The following DNAJB8 variants were observed in gnomAD, a reference collection of about 807,000 sequenced individuals.
DNAJB8 encodes dnaJ homolog subfamily B member 8.
For synonymous variants in DNAJB8, 127 were observed against 127.1 expected (o/e 1.00, Z 0.00); for missense variants, 354 against 318.9 (o/e 1.11, Z -0.84).
Position 128,463,011 on chromosome 3 carries a change from C to G in DNAJB8, c.235G>C (p.Ala79Pro), listed in dbSNP as rs757171782. 1 of 1,614,120 alleles carries G rather than the reference C, an allele frequency of 6.2e-7. No homozygotes were observed. The highest frequency in any genetic ancestry group is 8.5e-7 in the Non-Finnish European group (1 of 1,179,970). Residue 79 changes from alanine to proline, a missense_variant, in exon 3 of 3, where the codon GCC becomes CCC. Coordinates refer to ENST00000319153, the MANE Select transcript of DNAJB8 (RefSeq NM_153330.6). The stretch of plus-strand genomic sequence containing the variant: ...AAGGGGCTGTGGTAGGGCGTGCTGG[C>G]CCCGCCACCAGCCCGCCAGCTGTCA... ...GCDSWRAGGG[A>P]STPYHSPFDT...
At position 128,462,606 on chromosome 3, in the gene DNAJB8, G is replaced by T. The variant is rs748384137; in HGVS notation, c.640C>A (p.Gln214Lys). 1 of 1,613,790 alleles carries T rather than the reference G, an allele frequency of 6.2e-7. No individual in the cohort carries two copies. Among genetic ancestry groups the T allele is most frequent in the African/African-American group, 1.3e-5 (1 of 75,002 alleles). Residue 214 changes from glutamine to lysine, a missense_variant, in exon 3 of 3, where the codon CAG becomes AAG. By Grantham distance (53) the Gln-to-Lys change is moderately conservative. Transcript: ENST00000319153. ...CCGTTCACAGTCACCGACTTGAGCT[G>T]CCCGTCTTCCTCCACCTCCACGCGC... The part of the protein sequence containing the change: ...QERVEVEEDG[Q>K]LKSVTVNGKE...
Position 128,463,328 on chromosome 3 carries a change from A to G in DNAJB8, c.-83T>C, listed in dbSNP as rs982372870. 1.8e-5 allele frequency: 23 copies of G among 1,314,022 alleles called. No individual in the cohort carries two copies. In the Middle Eastern group the frequency reaches 7.0e-4, roughly 40 times the overall value. 81.4% of individuals were successfully genotyped at this position (1,314,022 alleles called of 1,614,324 possible). On this transcript the variant is annotated 5_prime_UTR_variant, in exon 3 of 3. Transcript: ENST00000319153. ...CAGCTGGTCAGATGGACGGGGGAGA[A>G]GTGGCCGGTGGTCTGGGGCCCTTCA... is the stretch of plus-strand genomic sequence containing the variant.
chr3:128,464,812 T>G, intron 2 of DNAJB8, among the ~76,000 whole-genome samples: 1 of 134,010 alleles, frequency 7.5e-6, no homozygotes, highest in Non-Finnish European at 1.6e-5. Flanking sequence ...TCCCTTCCCT[T>G]CCCTTCCGTT....
chr3:128,462,821 G>T lies in DNAJB8; in HGVS notation c.425C>A (p.Pro142Gln). The T allele has an allele frequency of 6.2e-7, 1 of 1,614,106 alleles. No homozygotes were observed. Among genetic ancestry groups the T allele is most frequent in the Non-Finnish European group, 8.5e-7 (1 of 1,180,030 alleles). Residue 142 changes from proline (P) to glutamine (Q), a missense_variant, in exon 3 of 3, where the codon CCG becomes CAG. Pro to Gln is a moderately conservative substitution (Grantham distance 76, BLOSUM62 -1). Coordinates refer to ENST00000319153, the MANE Select transcript of DNAJB8 (RefSeq NM_153330.6). ...GAFSAGFGEF[P>Q]AFMEAFSSFN... ...GGATGAGAAGGCCTCCATGAAGGCC[G>T]GAAATTCTCCAAAGCCTGCCGAGAA...
At chr3:128,465,248 C>G (rs771250923) in intron 2 of DNAJB8, 28 bp downstream of exon 2, 1 of 152,324 alleles carries the variant, frequency 6.6e-6, no homozygotes, top group African/African-American at 2.4e-5. Context: ...AAGCACGACT[C>G]GCACCCCCAT....
At chr3:128,464,868 T>C (rs1576735900) in intron 2 of DNAJB8, among the ~76,000 whole-genome samples, 1 of 122,916 alleles carries the variant, frequency 8.1e-6, no homozygotes, top group Non-Finnish European at 1.7e-5. Flanking sequence ...CCCTCCTTCC[T>C]TCATTTCCTC....
Position 128,463,199 on chromosome 3 carries a change from G to A in DNAJB8, c.47C>T (p.Pro16Leu), listed in dbSNP as rs749327384. ...EVLGVQASAS[P>L]EDIKKAYRKL... ...GCGGTAGGCTTTCTTGATGTCCTCC[G>A]GGGAAGCGCTGGCCTGCACGCCCAG... The change falls in exon 3 of 3, where the codon CCG becomes CTG. Residue 16 changes from proline to leucine, a missense_variant. Physicochemically the swap from Pro to Leu is moderately conservative, Grantham distance 98. Transcript: ENST00000319153. The A allele has an allele frequency of 3.1e-5, 50 of 1,614,000 alleles. No homozygotes were observed. Among genetic ancestry groups the A allele is most frequent in the East Asian group, 4.5e-5 (2 of 44,880 alleles).
At chr3:128,465,559 A>T (rs2068506663) in intron 1 of DNAJB8, 123 bp from the exon 2 acceptor site, 1 of 152,418 alleles carries the variant, frequency 6.6e-6, no homozygotes, top group South Asian at 2.1e-4. Flanking sequence ...ATGGAGATGG[A>T]TAAGGTGTCA....
rs745442143 is a variant in DNAJB8, at chr3:128,462,894, G to A, written c.352C>T (p.Pro118Ser). The A allele has an allele frequency of 6.2e-7, 1 of 1,614,190 alleles. No individual in the cohort carries two copies. The highest frequency in any genetic ancestry group is 8.5e-7 in the Non-Finnish European group (1 of 1,180,034). The change falls in exon 3 of 3, where the codon CCA becomes TCA. Residue 118 changes from proline (P) to serine (S), a missense_variant. Physicochemically the swap from Pro to Ser is moderately conservative, Grantham distance 74. Transcript: ENST00000319153. ...CGGCCACCACGGTCACTATTGAATGGGCTGTCCCAGAACTCAAAGGAGAAA... is the reference window on the plus strand; with the variant it reads ...CGGCCACCACGGTCACTATTGAATGAGCTGTCCCAGAACTCAAAGGAGAAA... ...DPFSFEFWDSPFNSDRGGRGH... is the reference protein window; with the variant it reads ...DPFSFEFWDSSFNSDRGGRGH...
intron 2 of DNAJB8, 125 bp downstream of exon 2, chr3:128,465,151 T>A (rs1224424952): frequency 6.6e-6 from 1 of 152,190 alleles, no homozygotes; most frequent in Non-Finnish European, 1.5e-5. Flanking sequence ...CAATCCCAAA[T>A]GCCAGGAGGA....
Position 128,463,042 on chromosome 3 carries a change from A to C in DNAJB8, c.204T>G (p.Ala68=). Residue 68 remains alanine (A), a synonymous_variant, in exon 3 of 3, where the codon GCT becomes GCG. Transcript: ENST00000319153. ...DSKKRSLYDR[A]GCDSWRAGGG... is the part of the protein sequence containing the mutation. ...CACCAGCCCGCCAGCTGTCACAGCCAGCACGGTCATACAGGGAGCGTTTCT... is the reference window on the plus strand; with the variant it reads ...CACCAGCCCGCCAGCTGTCACAGCCCGCACGGTCATACAGGGAGCGTTTCT... 6.2e-7 allele frequency: 1 copy of C among 1,614,228 alleles called. No individual in the cohort carries two copies. The highest frequency in any genetic ancestry group is 8.5e-7 in the Non-Finnish European group (1 of 1,180,034).
rs1299250081 is a variant in DNAJB8, at chr3:128,463,341, C to A, written c.-96G>T. On this transcript the variant is annotated 5_prime_UTR_variant, in exon 3 of 3. Coordinates refer to ENST00000319153, the MANE Select transcript of DNAJB8 (RefSeq NM_153330.6). ...GGACGGGGGAGAAGTGGCCGGTGGT[C>A]TGGGGCCCTTCAGCAGGGGCCTGGC... 1 of 1,157,190 alleles carries A rather than the reference C, an allele frequency of 8.6e-7. No individual in the cohort carries two copies. Among genetic ancestry groups the A allele is most frequent in the Admixed American group, 2.4e-5 (1 of 42,140 alleles). 71.7% of individuals were successfully genotyped at this position (1,157,190 alleles called of 1,614,324 possible). A position where few individuals can be genotyped will look rare whatever the true frequency, so the allele number is the denominator to read the frequency against.
Position 128,462,639 on chromosome 3 carries a change from C to G in DNAJB8, c.607G>C (p.Gly203Arg). 1.2e-6 allele frequency: 2 copies of G among 1,613,938 alleles called. No homozygotes were observed. The highest frequency in any genetic ancestry group is 3.3e-4 in the Middle Eastern group (2 of 6,062). ...TCCTCCACCTCCACGCGCTCCTGCC[C>G]GTTCTCCACGATGCGCTTGGTGGTG... is the stretch of plus-strand genomic sequence containing the variant. The part of the protein sequence containing the change: ...KVTTKRIVEN[G>R]QERVEVEEDG... The change falls in exon 3 of 3, where the codon GGG becomes CGG. Residue 203 changes from glycine to arginine, a missense_variant. Gly to Arg is a moderately radical substitution (Grantham distance 125). Transcript: ENST00000319153.
At position 128,462,736 on chromosome 3, in the gene DNAJB8, C is replaced by G. The variant is rs1485869987; in HGVS notation, c.510G>C (p.Gly170=). The G allele has an allele frequency of 1.2e-6, 2 of 1,613,958 alleles. No individual in the cohort carries two copies. Among genetic ancestry groups the G allele is most frequent in the African/African-American group, 2.7e-5 (2 of 74,892 alleles). ...SHTTFSSTSF[G]GSSSGSSGFK... is the part of the protein sequence containing the mutation. ...ACCCCGAGCTGCCAGAACTGGAGCC[C>G]CCGAAGGAGGTGGATGAGAAGGTGG... The change falls in exon 3 of 3, where the codon GGG becomes GGC. Residue 170 remains glycine (G), a synonymous_variant. Coordinates refer to ENST00000319153, the MANE Select transcript of DNAJB8 (RefSeq NM_153330.6).
In DNAJB8 at chr3:128,463,396, G is replaced by A. The variant is rs936834437; in HGVS notation, c.-151C>T. 5 of 659,224 alleles carry A rather than the reference G, an allele frequency of 7.6e-6. No individual in the cohort carries two copies. Among genetic ancestry groups the A allele is most frequent in the Non-Finnish European group, 1.3e-5 (5 of 383,116 alleles). The allele number at this position is 659,224 out of a possible 1,614,324, so 40.8% of individuals were successfully genotyped here. A position where few individuals can be genotyped will look rare whatever the true frequency, so the allele number is the denominator to read the frequency against. Reference sequence around the variant, plus strand: ...CTCCGCAAGCTCTAGGCAAGATTCTGCCCAGGAGTTCACCTTTTCGTAGTA... The same window carrying A: ...CTCCGCAAGCTCTAGGCAAGATTCTACCCAGGAGTTCACCTTTTCGTAGTA... On this transcript the variant is annotated 5_prime_UTR_variant, in exon 3 of 3. Transcript: ENST00000319153.
At position 128,462,897 on chromosome 3, in the gene DNAJB8, T is replaced by C; in HGVS notation, c.349A>G (p.Ser117Gly). The C allele has an allele frequency of 6.2e-7, 1 of 1,614,068 alleles. No individual in the cohort carries two copies. Among genetic ancestry groups the C allele is most frequent in the Non-Finnish European group, 8.5e-7 (1 of 1,179,930 alleles). The stretch of plus-strand genomic sequence containing the variant: ...CCACCACGGTCACTATTGAATGGGC[T>C]GTCCCAGAACTCAAAGGAGAAAGGG... ...LDPFSFEFWDSPFNSDRGGRG... is the reference protein window; with the variant it reads ...LDPFSFEFWDGPFNSDRGGRG... Residue 117 changes from serine (S) to glycine (G), a missense_variant, in exon 3 of 3, where the codon AGC becomes GGC. Coordinates refer to ENST00000319153, the MANE Select transcript of DNAJB8 (RefSeq NM_153330.6).
Position 128,463,431 on chromosome 3 carries a change from A to AG in DNAJB8, c.-187dup. The AG allele has an allele frequency of 1.8e-6, 1 of 556,956 alleles. No individual in the cohort carries two copies. 34.5% of individuals were successfully genotyped at this position (556,956 alleles called of 1,614,324 possible). ...TCACCTTTTCGTAGTACCAATTCTC[A>AG]GGGACTGGAGGGGCCCCCACTGAGA... is the stretch of plus-strand genomic sequence containing the variant. On this transcript the variant is annotated 5_prime_UTR_variant, in exon 3 of 3. An upstream open reading frame in the 5' UTR loses its in-frame stop. Coordinates refer to ENST00000319153, the MANE Select transcript of DNAJB8 (RefSeq NM_153330.6).
chr3:128,463,266 G>A lies in DNAJB8; in HGVS notation c.-21C>T, dbSNP rs780286484. Reference sequence around the variant, plus strand: ...GCCATGGCCAGGGGTGTGGGTGAGAGGAGAGGGAACGTGGAGGCCAGGTGG... The same window carrying A: ...GCCATGGCCAGGGGTGTGGGTGAGAAGAGAGGGAACGTGGAGGCCAGGTGG... On this transcript the variant is annotated 5_prime_UTR_variant, in exon 3 of 3. Transcript: ENST00000319153. 21 of 1,591,728 alleles carry A rather than the reference G, an allele frequency of 1.3e-5. No individual in the cohort carries two copies. In the African/African-American group the frequency reaches 2.0e-4, roughly 15 times the overall value.
In DNAJB8 at chr3:128,463,458, G is replaced by A. The variant is rs1422676752; in HGVS notation, c.-213C>T. On this transcript the variant is annotated 5_prime_UTR_variant, in exon 3 of 3. Transcript: ENST00000319153. Reference sequence around the variant, plus strand: ...GGACTGGAGGGGCCCCCACTGAGAGGAGTGGGGGGAGGGGAGGGACACTGC... The same window carrying A: ...GGACTGGAGGGGCCCCCACTGAGAGAAGTGGGGGGAGGGGAGGGACACTGC... 1 of 498,568 alleles carries A rather than the reference G, an allele frequency of 2.0e-6. No individual in the cohort carries two copies. The highest frequency in any genetic ancestry group is 3.6e-6 in the Non-Finnish European group (1 of 274,858). 30.9% of individuals were successfully genotyped at this position (498,568 alleles called of 1,614,324 possible). A position where few individuals can be genotyped will look rare whatever the true frequency, so the allele number is the denominator to read the frequency against.
Sources: gnomAD v4.1 joint callset for allele counts (sites outside exome capture counted in the v4.1 genomes callset) on GRCh38, gnomAD v4.1.1 for gene constraint, MANE v1.5 for transcripts, NCBI Gene and HGNC (gene_info 2026-07-23, HGNC 2026-07-21) for gene names.